The following TNFRSF10C variants were observed in gnomAD, a reference collection of about 807,000 sequenced individuals.
TNFRSF10C encodes TNF receptor superfamily member 10c, also known as tumor necrosis factor receptor superfamily member 10C.
TNFRSF10C carries 17 observed loss-of-function variants against 16.7 expected under a neutral mutation model. The observed-to-expected ratio is 1.02, with a 90% CI of 0.70 to 1.53. The LOEUF is 1.53. Ranked by LOEUF, TNFRSF10C falls within the 40% of genes most tolerant of loss-of-function variation. The pLI is 0.00. For synonymous variants in TNFRSF10C, 73 were observed against 119.7 expected (o/e 0.61, Z 2.55); for missense variants, 237 against 329.7 (o/e 0.72, Z 2.18).
At chr8:23,115,196 C>T (rs1172023118) in intron 3 of TNFRSF10C, among the ~76,000 whole-genome samples, 5 of 152,204 alleles carry the variant, frequency 3.3e-5, no homozygotes, top group African/African-American at 9.6e-5. Context: ...CCAAGGCCTC[C>T]GTCTCCTTGC....
At position 23,111,836 on chromosome 8, in the gene TNFRSF10C, A is replaced by G; in HGVS notation, c.166+11A>G. The stretch of plus-strand genomic sequence containing the variant: ...AGGAGTGTCCAGCAGGTGCACTCTT[A>G]TTTTTAAAAATCAGTTTATTTTTAA... On this transcript the variant is annotated intron_variant, in intron 2 of 4. Coordinates refer to ENST00000356864, the MANE Select transcript of TNFRSF10C (RefSeq NM_003841.5). 1 of 1,609,746 alleles carries G rather than the reference A, an allele frequency of 6.2e-7. No individual in the cohort carries two copies. Among genetic ancestry groups the G allele is most frequent in the Non-Finnish European group, 8.5e-7 (1 of 1,176,426 alleles).
chr8:23,106,392 G>A (rs1813776608), intron 1 of TNFRSF10C, among the ~76,000 whole-genome samples: 2 of 152,008 alleles, frequency 1.3e-5, no homozygotes, highest in South Asian at 2.1e-4. Flanking sequence ...GGTCAGGGAG[G>A]GGAGCGAAGC....
At position 23,117,223 on chromosome 8, in the gene TNFRSF10C, C is replaced by T. The variant is rs1443413415; in HGVS notation, c.*192C>T. 4 of 853,658 alleles carry T rather than the reference C, an allele frequency of 4.7e-6. No homozygotes were observed. Among genetic ancestry groups the T allele is most frequent in the East Asian group, 5.3e-5 (2 of 37,738 alleles). The allele number at this position is 853,658 out of a possible 1,614,324, so 52.9% of individuals were successfully genotyped here. A position where few individuals can be genotyped will look rare whatever the true frequency, so the allele number is the denominator to read the frequency against. On this transcript the variant is annotated 3_prime_UTR_variant, in exon 5 of 5. Coordinates refer to ENST00000356864, the MANE Select transcript of TNFRSF10C (RefSeq NM_003841.5). ...ATCTTCCTCCTTGTGATCGTCCCATCCCCACATCCCGTGCACCCCCCAGGA... is the reference window on the plus strand; with the variant it reads ...ATCTTCCTCCTTGTGATCGTCCCATTCCCACATCCCGTGCACCCCCCAGGA...
Position 23,103,154 on chromosome 8 carries a change from C to T in TNFRSF10C, c.33C>T (p.Val11=), listed in dbSNP as rs1813697864. Residue 11 remains valine, a synonymous_variant, in exon 1 of 5, where the codon GTC becomes GTT. Transcript: ENST00000356864. MARIPKTLKF[V]VVIVAVLLPV... is the part of the protein sequence containing the mutation. ...GGATCCCCAAGACCCTAAAGTTCGT[C>T]GTCGTCATCGTCGCGGTCCTGCTGC... 2 of 1,611,866 alleles carry T rather than the reference C, an allele frequency of 1.2e-6. No homozygotes were observed. The highest frequency in any genetic ancestry group is 1.3e-5 in the African/African-American group (1 of 74,910).
At chr8:23,108,407 G>A (rs185688640) in intron 1 of TNFRSF10C, among the ~76,000 whole-genome samples, 5 of 152,180 alleles carry the variant, frequency 3.3e-5, no homozygotes, top group African/African-American at 7.2e-5. Context: ...TTCTGGCATC[G>A]GCTGTAACCA....
chr8:23,109,369 G>T (rs1453991260), intron 1 of TNFRSF10C, among the ~76,000 whole-genome samples: 2 of 152,154 alleles, frequency 1.3e-5, no homozygotes, highest in African/African-American at 4.8e-5. Context: ...CGGGCACGGT[G>T]GCTCACATCT....
intron 1 of TNFRSF10C, among the ~76,000 whole-genome samples, chr8:23,107,714 A>T (rs115512541): frequency 6.6e-6 from 1 of 152,212 alleles, no homozygotes; most frequent in African/African-American, 2.4e-5. Flanking sequence ...CATAGCTTAA[A>T]TGGTAAACTT....
At position 23,117,213 on chromosome 8, in the gene TNFRSF10C, A is replaced by G; in HGVS notation, c.*182A>G. 3.3e-6 allele frequency: 3 copies of G among 920,970 alleles called. No individual in the cohort carries two copies. Among genetic ancestry groups the G allele is most frequent in the Non-Finnish European group, 4.8e-6 (3 of 624,328 alleles). 57.0% of individuals were successfully genotyped at this position (920,970 alleles called of 1,614,324 possible). ...GCCTGGCTCTATCTTCCTCCTTGTG[A>G]TCGTCCCATCCCCACATCCCGTGCA... On this transcript the variant is annotated 3_prime_UTR_variant, in exon 5 of 5. Coordinates refer to ENST00000356864, the MANE Select transcript of TNFRSF10C (RefSeq NM_003841.5).
chr8:23,117,074 T>G lies in TNFRSF10C; in HGVS notation c.*43T>G. 6.3e-7 allele frequency: 1 copy of G among 1,598,254 alleles called. No homozygotes were observed. Among genetic ancestry groups the G allele is most frequent in the Non-Finnish European group, 8.5e-7 (1 of 1,172,712 alleles). Reference sequence around the variant, plus strand: ...GAAATTCCTTCCTTACCTGAAAGGTTCAGGTAGGCGCTGGCTGAGGGCGGG... The same window carrying G: ...GAAATTCCTTCCTTACCTGAAAGGTGCAGGTAGGCGCTGGCTGAGGGCGGG... On this transcript the variant is annotated 3_prime_UTR_variant, in exon 5 of 5. Transcript: ENST00000356864.
At chr8:23,111,470 C>T (rs555874530) in intron 1 of TNFRSF10C, among the ~76,000 whole-genome samples, 1 of 151,630 alleles carries the variant, frequency 6.6e-6, no homozygotes, top group Non-Finnish European at 1.5e-5. Context: ...CTGCCTCAGA[C>T]TTCCACATTG....
intron 1 of TNFRSF10C, among the ~76,000 whole-genome samples, chr8:23,110,236 A>G (rs1008099675): frequency 3.9e-5 from 6 of 152,138 alleles, no homozygotes; most frequent in East Asian, 1.9e-4. Flanking sequence ...CAACCCGGGA[A>G]AGAATGATTT....
intron 1 of TNFRSF10C, among the ~76,000 whole-genome samples, chr8:23,105,271 A>G (rs1813755092): frequency 6.6e-6 from 1 of 152,190 alleles, no homozygotes; most frequent in Non-Finnish European, 1.5e-5. Context: ...AGCCCTGTGT[A>G]AACCTCAGAG....
rs556937662 is a variant in TNFRSF10C at position 23,114,909 on chromosome 8, GATTAAAA to G, written c.280+141_280+147del. 69 of 661,390 alleles carry G rather than the reference GATTAAAA, an allele frequency of 1.0e-4. No homozygotes were observed. The African/African-American group carries it at 1.2e-3, about 11-fold the overall frequency. 41.0% of individuals were successfully genotyped at this position (661,390 alleles called of 1,614,324 possible). A position where few individuals can be genotyped will look rare whatever the true frequency, so the allele number is the denominator to read the frequency against. On this transcript the variant is annotated intron_variant, in intron 3 of 4. Coordinates refer to ENST00000356864, the MANE Select transcript of TNFRSF10C (RefSeq NM_003841.5). ...CTGTTCTATGATTATATATTTGACT[GATTAAAA>G]AAATAGAAAGAAATCTTTTCTATAA...
At chr8:23,105,809 C>G (rs190053767) in intron 1 of TNFRSF10C, among the ~76,000 whole-genome samples, 6 of 152,210 alleles carry the variant, frequency 3.9e-5, no homozygotes, top group Admixed American at 3.9e-4. Flanking sequence ...ATCCTGCTTC[C>G]AGCCAGAGAA....
At chr8:23,105,054 A>G (rs1200505309) in intron 1 of TNFRSF10C, among the ~76,000 whole-genome samples, 2 of 152,170 alleles carry the variant, frequency 1.3e-5, no homozygotes, top group African/African-American at 4.8e-5. Context: ...TCTGTGCGCC[A>G]GGTCCTTCCA....
chr8:23,116,317 T>C (rs570105244), intron 4 of TNFRSF10C, among the ~76,000 whole-genome samples: 83 of 152,330 alleles, frequency 5.4e-4, no homozygotes, highest in African/African-American at 1.9e-3. Flanking sequence ...GGGGCTCAGC[T>C]TGTGGCCACA....
rs1318087053 is a variant in TNFRSF10C at position 23,103,004 on chromosome 8, G to A, written c.-118G>A. On this transcript the variant is annotated 5_prime_UTR_variant, in exon 1 of 5. An upstream start codon of the reference 5' UTR is lost. Coordinates refer to ENST00000356864, the MANE Select transcript of TNFRSF10C (RefSeq NM_003841.5). ...GATTTTTGGGAGTTTGACCAGAGAT[G>A]CAAGGGGTGAAGGAGCGCTTCCTAC... 1 of 1,545,884 alleles carries A rather than the reference G, an allele frequency of 6.5e-7. No homozygotes were observed. The highest frequency in any genetic ancestry group is 1.4e-5 in the African/African-American group (1 of 72,902).
chr8:23,115,642 A>T lies in TNFRSF10C; in HGVS notation c.389+26A>T, dbSNP rs765704626. 9.4e-6 allele frequency: 15 copies of T among 1,599,090 alleles called. No homozygotes were observed. In the South Asian group the frequency reaches 1.3e-4, roughly 14 times the overall value. On this transcript the variant is annotated intron_variant, in intron 4 of 4. Transcript: ENST00000356864. ...GTGAGACAGCAGTCAGGGGCTCCTGACAGCTTTCAGGAACCCGAGAAGACC... is the reference window on the plus strand; with the variant it reads ...GTGAGACAGCAGTCAGGGGCTCCTGTCAGCTTTCAGGAACCCGAGAAGACC...
chr8:23,116,373 C>T (rs1813982170), intron 4 of TNFRSF10C, among the ~76,000 whole-genome samples: 1 of 152,206 alleles, frequency 6.6e-6, no homozygotes, highest in Non-Finnish European at 1.5e-5. Flanking sequence ...CTAACGCAGG[C>T]CTCCTCTGCA....
Sources: gnomAD v4.1 joint callset for allele counts (sites outside exome capture counted in the v4.1 genomes callset) on GRCh38, gnomAD v4.1.1 for gene constraint, MANE v1.5 for transcripts, NCBI Gene and HGNC (gene_info 2026-07-23, HGNC 2026-07-21) for gene names.